The following DGKG variants were observed in gnomAD, a reference collection of about 807,000 sequenced individuals.
DGKG encodes diacylglycerol kinase gamma, also known as DAG kinase gamma.
A neutral mutation model predicts 105.3 loss-of-function variants in DGKG; 78 were observed. The observed-to-expected ratio is 0.74, with a 90% confidence interval of 0.62 to 0.89. DGKG has a LOEUF of 0.89. Among genes scored for constraint, DGKG ranks in the 40% least tolerant of loss-of-function variants. The pLI is 0.00. For synonymous variants in DGKG, 346 were observed against 367.1 expected, an observed-to-expected ratio of 0.94 and a Z score of 0.66; for missense variants, 958 against 1,020.1, an observed-to-expected ratio of 0.94 and a Z score of 0.83.
chr3:186,337,203 A>G (rs866149122), intron 1 of DGKG, among the ~76,000 whole-genome samples: 3 of 152,224 alleles, frequency 2.0e-5, no homozygotes, highest in Admixed American at 6.5e-5. Flanking sequence ...AACCTCATCT[A>G]AATAGAGTAA....
chr3:186,183,862 A>G (rs1445207941), intron 22 of DGKG, among the ~76,000 whole-genome samples: 6 of 151,910 alleles, frequency 3.9e-5, no homozygotes, highest in African/African-American at 1.2e-4. Context: ...GCGCCACCAC[A>G]CCCGGCTAAT....
At chr3:186,180,281 G>C (rs891771650) in intron 22 of DGKG, among the ~76,000 whole-genome samples, 3 of 152,082 alleles carry the variant, frequency 2.0e-5, no homozygotes, top group Admixed American at 1.3e-4. Context: ...CTAGTTTGGG[G>C]CATGTTGATT....
intron 2 of DGKG, chr3:186,313,544 G>A (rs946084167): frequency 2.0e-6 from 2 of 984,964 alleles, no homozygotes; most frequent in African/African-American, 3.5e-5. Flanking sequence ...CAGACAACTT[G>A]GACCATCTTG....
At chr3:186,340,831 G>A (rs896895579) in intron 1 of DGKG, among the ~76,000 whole-genome samples, 1 of 151,920 alleles carries the variant, frequency 6.6e-6, no homozygotes, top group Non-Finnish European at 1.5e-5. Flanking sequence ...ACATCAATTC[G>A]CCAAGTTTTG....
intron 19 of DGKG, among the ~76,000 whole-genome samples, chr3:186,250,280 G>C: frequency 6.6e-6 from 1 of 152,114 alleles, no homozygotes; most frequent in Non-Finnish European, 1.5e-5. Flanking sequence ...GCTGAACGAT[G>C]AGAACACATG....
chr3:186,236,961 GACA>G, intron 20 of DGKG, among the ~76,000 whole-genome samples: 1 of 152,354 alleles, frequency 6.6e-6, no homozygotes, highest in South Asian at 2.1e-4. Context: ...CACTGACAGT[GACA>G]TTAGAATTAG....
At position 186,297,068 on chromosome 3, in the gene DGKG, T is replaced by TCTCACACACACACACA. The variant is rs1452573661; in HGVS notation, c.373+352_373+353insTGTGTGTGTGTGTGAG. Among the ~76,000 whole-genome samples, 468 of 130,494 alleles carry TCTCACACACACACACA rather than the reference T, an allele frequency of 3.6e-3. 5 individuals carry two copies. The highest frequency in any genetic ancestry group is 0.012 in the African/African-American group (409 of 34,674). 85.6% of individuals were successfully genotyped at this position (130,494 alleles called of 152,430 possible). On this transcript the variant is annotated intron_variant, in intron 5 of 24. Transcript: ENST00000265022. ...CTCTCTGTCTGTCTGTCTGTCTCTC[T>TCTCACACACACACACA]CACACACACACACACACACACACAC...
At chr3:186,247,044 T>C (rs1340364660) in intron 19 of DGKG, among the ~76,000 whole-genome samples, 1 of 152,196 alleles carries the variant, frequency 6.6e-6, no homozygotes, top group East Asian at 1.9e-4. Context: ...TTTCTGCTAA[T>C]CTAAAAATAA....
chr3:186,298,871 G>T (rs951521009), intron 3 of DGKG, among the ~76,000 whole-genome samples: 5 of 152,292 alleles, frequency 3.3e-5, no homozygotes, highest in African/African-American at 9.6e-5. Flanking sequence ...AACAAGGGTG[G>T]GTGTGTGTTT....
At position 186,284,524 on chromosome 3, in the gene DGKG, G is replaced by C. The variant is rs1722972194; in HGVS notation, c.594+136C>G. ...ATAGCGGGTGGAGAGGTCCTAGTCG[G>C]ATTTCCTCAGCCTGCATCGAGACAT... On this transcript the variant is annotated intron_variant, in intron 7 of 24. Transcript: ENST00000265022. The surrounding 1 kb of genome is among the most constrained non-coding windows in gnomAD (Gnocchi z 4.0). 1 of 789,206 alleles carries C rather than the reference G, an allele frequency of 1.3e-6. No individual in the cohort carries two copies. The highest frequency in any genetic ancestry group is 2.2e-6 in the Non-Finnish European group (1 of 460,200). 48.9% of individuals were successfully genotyped at this position (789,206 alleles called of 1,614,324 possible).
chr3:186,312,608 C>T (rs2268817), intron 2 of DGKG, among the ~76,000 whole-genome samples: 61,680 of 151,914 alleles, frequency 0.41, 12,691 homozygotes, highest in East Asian at 0.48. Context: ...GTCACTGAGA[C>T]GAGGGGAAGG....
At chr3:186,314,173 GCACACACACACACACACACACACA>G (rs3221277) in intron 2 of DGKG, among the ~76,000 whole-genome samples, 12 of 139,574 alleles carry the variant, frequency 8.6e-5, no homozygotes, top group South Asian at 5.2e-4. Flanking sequence ...ATACATATCT[GCACACACACACACACACACACACA>G]CACACACACA....
chr3:186,254,216 T>C (rs1254467064), intron 17 of DGKG, among the ~76,000 whole-genome samples: 2 of 152,120 alleles, frequency 1.3e-5, no homozygotes, highest in African/African-American at 4.8e-5. Flanking sequence ...AGCAATGTGA[T>C]TGCGGCGTGA....
chr3:186,201,981 C>T lies in DGKG; in HGVS notation c.1917+9814G>A, dbSNP rs753896320. The stretch of plus-strand genomic sequence containing the variant: ...AAGGTAATGCAGAGGTCATCTCCTA[C>T]TGCAGGTCCCGTGGCATTGTGAAGG... On this transcript the variant is annotated intron_variant, in intron 21 of 24. Coordinates refer to ENST00000265022, the MANE Select transcript of DGKG (RefSeq NM_001346.3). Among the ~76,000 whole-genome samples, 8 of 152,332 alleles carry T rather than the reference C, an allele frequency of 5.3e-5. 1 individual carries two copies. The Middle Eastern group carries it at 0.014, about 259-fold the overall frequency.
intron 21 of DGKG, among the ~76,000 whole-genome samples, chr3:186,200,547 T>C (rs1309453581): frequency 1.3e-5 from 2 of 152,196 alleles, no homozygotes; most frequent in African/African-American, 4.8e-5. Context: ...ATGAGTCTTT[T>C]GTGGAGTGGT....
rs1722355055 is a variant in DGKG, at chr3:186,272,346, G to A, written c.911-3C>T. 6.2e-7 allele frequency: 1 copy of A among 1,609,316 alleles called. No homozygotes were observed. The highest frequency in any genetic ancestry group is 1.1e-5 in the South Asian group (1 of 90,570). On this transcript the variant is annotated splice_polypyrimidine_tract_variant and splice_region_variant and intron_variant, in intron 10 of 24. Coordinates refer to ENST00000265022, the MANE Select transcript of DGKG (RefSeq NM_001346.3). ...TTCGTGGACAGTGTATTTACAGTCT[G>A]AAAAGAAAAAAAGTCAAGGCAGGTG...
At chr3:186,251,227 AG>A (rs1721209896) in intron 19 of DGKG, among the ~76,000 whole-genome samples, 1 of 152,188 alleles carries the variant, frequency 6.6e-6, no homozygotes, top group African/African-American at 2.4e-5. Flanking sequence ...ATTCAGCCTA[AG>A]GGGTCAGCTG....
chr3:186,355,470 CCCCACA>C (rs1726897827), intron 1 of DGKG, among the ~76,000 whole-genome samples: 2 of 149,058 alleles, frequency 1.3e-5, no homozygotes, highest in South Asian at 2.1e-4. Context: ...TTATCATAAC[CCCCACA>C]ACCACTACCA....
chr3:186,173,058 T>C (rs981644430), intron 22 of DGKG, among the ~76,000 whole-genome samples: 1 of 152,224 alleles, frequency 6.6e-6, no homozygotes, highest in East Asian at 1.9e-4. Flanking sequence ...CATTCCTCCA[T>C]GCATATGGAC....
Sources: allele counts gnomAD v4.1 joint callset (sites outside exome capture counted in the v4.1 genomes callset), GRCh38; gene constraint gnomAD v4.1.1; non-coding constraint Gnocchi (gnomAD v3.1); transcripts MANE v1.5; gene names NCBI Gene and HGNC (gene_info 2026-07-23, HGNC 2026-07-21).